The following CYP2C19 variants were observed in gnomAD, a reference collection of about 807,000 sequenced individuals.
CYP2C19 encodes cytochrome P450 2C19.
In CYP2C19, 59 loss-of-function variants were observed where a neutral mutation model predicts 40.9. The ratio of observed to expected loss-of-function variants is 1.44; its 90% CI spans 1.17 to 1.79. The LOEUF (loss-of-function observed/expected upper bound fraction) is 1.79. Among genes scored for constraint, CYP2C19 ranks in the 40% most tolerant of loss-of-function variants. CYP2C19 has a pLI of 0.00. For missense variants in CYP2C19, 754 were observed against 596.9 expected, an observed-to-expected ratio of 1.26 and a Z score of -2.74; for synonymous variants, 253 against 208.7, an observed-to-expected ratio of 1.21 and a Z score of -1.83.
intron 6 of CYP2C19, among the ~76,000 whole-genome samples, chr10:94,828,516 G>A (rs1410905971): frequency 6.8e-6 from 1 of 147,720 alleles, no homozygotes; most frequent in African/African-American, 2.5e-5. Context: ...CATTGGCTTG[G>A]TAGATCTTCC....
At chr10:94,840,976 G>A (rs142155832) in intron 6 of CYP2C19, among the ~76,000 whole-genome samples, 128 of 152,334 alleles carry the variant, frequency 8.4e-4, no homozygotes, top group Middle Eastern at 6.8e-3. Flanking sequence ...CAATATTACC[G>A]CTTTGGATGT....
intron 1 of CYP2C19, among the ~76,000 whole-genome samples, chr10:94,772,024 G>T (rs1371849071): frequency 4.6e-5 from 7 of 152,222 alleles, no homozygotes; most frequent in Admixed American, 4.6e-4. Flanking sequence ...TCAAAAACCT[G>T]TTAGAGTCCT....
chr10:94,788,444 C>T (rs1039001430), intron 5 of CYP2C19, among the ~76,000 whole-genome samples: 5 of 152,026 alleles, frequency 3.3e-5, no homozygotes, highest in Admixed American at 1.3e-4. Flanking sequence ...ATCTGCAGAA[C>T]GTGCAGTTTT....
intron 3 of CYP2C19, among the ~76,000 whole-genome samples, chr10:94,779,019 A>G (rs1056270280): frequency 2.0e-5 from 3 of 152,140 alleles, no homozygotes; most frequent in African/African-American, 7.2e-5. Flanking sequence ...AGGAACAGAA[A>G]ACCAAACACT....
chr10:94,824,599 T>G (rs1173574004), intron 6 of CYP2C19, among the ~76,000 whole-genome samples: 3 of 152,194 alleles, frequency 2.0e-5, no homozygotes, highest in Non-Finnish European at 4.4e-5. Context: ...AATTCCTGTT[T>G]TTTTCCAAGA....
At chr10:94,787,340 A>G (rs1165100868) in intron 5 of CYP2C19, among the ~76,000 whole-genome samples, 2 of 151,928 alleles carry the variant, frequency 1.3e-5, no homozygotes, top group African/African-American at 4.8e-5. Context: ...TAATGAAGTT[A>G]TTTGTTTTTT....
At chr10:94,775,292 T>C (rs945826115) in intron 2 of CYP2C19, 72 bp downstream of exon 2, 1 of 1,612,692 alleles carries the variant, frequency 6.2e-7, no homozygotes, top group South Asian at 1.1e-5. Context: ...TAGCAGAGCT[T>C]CTCGGGCAGA....
intron 5 of CYP2C19, among the ~76,000 whole-genome samples, chr10:94,808,612 T>C (rs980556454): frequency 2.2e-4 from 33 of 152,166 alleles, no homozygotes; most frequent in African/African-American, 7.0e-4. Flanking sequence ...CTGGTAACCA[T>C]CTTTCTACCC....
intron 5 of CYP2C19, among the ~76,000 whole-genome samples, chr10:94,805,529 C>A (rs141417293): frequency 2.4e-3 from 364 of 152,264 alleles, no homozygotes; most frequent in African/African-American, 8.5e-3. Context: ...GTGCAAACAT[C>A]ACTGCCATAC....
intron 1 of CYP2C19, among the ~76,000 whole-genome samples, chr10:94,769,627 C>T (rs751895381): frequency 7.9e-5 from 12 of 152,110 alleles, no homozygotes; most frequent in Admixed American, 5.2e-4. Context: ...ATTGGGGTGT[C>T]GCAGGGACTG....
In CYP2C19 at chr10:94,815,015, G is replaced by A. The variant is rs3853515; in HGVS notation, c.820-5481G>A. Among the ~76,000 whole-genome samples, 620 of 137,494 alleles carry A rather than the reference G, an allele frequency of 4.5e-3. 6 individuals carry two copies. Among genetic ancestry groups the A allele is most frequent in the South Asian group, 0.038 (136 of 3,596 alleles). The allele number at this position is 137,494 out of a possible 152,430, so 90.2% of individuals were successfully genotyped here. ...TGAGGGTGAGGTGCAGGAAAATGCCGTGGCCTGCCTCTGATGTAGAAGGGG... is the reference window on the plus strand; with the variant it reads ...TGAGGGTGAGGTGCAGGAAAATGCCATGGCCTGCCTCTGATGTAGAAGGGG... On this transcript the variant is annotated intron_variant, in intron 5 of 8. Coordinates refer to ENST00000371321, the MANE Select transcript of CYP2C19 (RefSeq NM_000769.4).
At chr10:94,777,591 C>T (rs1436641604) in intron 3 of CYP2C19, among the ~76,000 whole-genome samples, 4 of 152,142 alleles carry the variant, frequency 2.6e-5, no homozygotes, top group South Asian at 2.1e-4. Flanking sequence ...GACAAACTGT[C>T]TAGCCATATG....
chr10:94,787,999 G>A lies in CYP2C19; in HGVS notation c.819+6002G>A, dbSNP rs148796164. Among the ~76,000 whole-genome samples, 254 of 152,208 alleles carry A rather than the reference G, an allele frequency of 1.7e-3. 3 individuals are homozygous for A. Among genetic ancestry groups the A allele is most frequent in the Admixed American group, 3.1e-3 (48 of 15,266 alleles). On this transcript the variant is annotated intron_variant, in intron 5 of 8. Transcript: ENST00000371321. Reference sequence around the variant, plus strand: ...TGATATTGATTGTTTTAATCCATAAGCATGAACTGTTTTTTCATTTGTTAG... The same window carrying A: ...TGATATTGATTGTTTTAATCCATAAACATGAACTGTTTTTTCATTTGTTAG...
At chr10:94,798,483 G>A (rs770762966) in intron 5 of CYP2C19, among the ~76,000 whole-genome samples, 1 of 152,096 alleles carries the variant, frequency 6.6e-6, no homozygotes, top group East Asian at 1.9e-4. Flanking sequence ...TTGGGGTGGC[G>A]AGTTCTGTAG....
At chr10:94,767,939 T>C (rs1225330484) in intron 1 of CYP2C19, among the ~76,000 whole-genome samples, 1 of 152,134 alleles carries the variant, frequency 6.6e-6, no homozygotes, top group Non-Finnish European at 1.5e-5. Flanking sequence ...AGGTTCCACC[T>C]GGCAGCAATT....
At chr10:94,843,058 T>C (rs1458843547) in intron 7 of CYP2C19, 34 bp downstream of exon 7, 1 of 1,608,702 alleles carries the variant, frequency 6.2e-7, no homozygotes, top group South Asian at 1.1e-5. Flanking sequence ...CAACTCCATG[T>C]TCTTTTATTC....
intron 1 of CYP2C19, among the ~76,000 whole-genome samples, chr10:94,771,717 T>G (rs909399803): frequency 5.9e-5 from 9 of 152,104 alleles, no homozygotes; most frequent in African/African-American, 1.9e-4. Context: ...CCCAGGAACC[T>G]GCAACAGTCC....
At chr10:94,822,795 C>T (rs1472557817) in intron 6 of CYP2C19, among the ~76,000 whole-genome samples, 1 of 151,912 alleles carries the variant, frequency 6.6e-6, no homozygotes, top group Admixed American at 6.6e-5. Flanking sequence ...ATGGTACCTC[C>T]TTGTGATTTT....
chr10:94,785,930 C>G (rs1235580195), intron 5 of CYP2C19, among the ~76,000 whole-genome samples: 1 of 152,004 alleles, frequency 6.6e-6, no homozygotes, highest in Non-Finnish European at 1.5e-5. Flanking sequence ...GTTGGCCAGC[C>G]TTCCCTGCCC....
Sources: gnomAD v4.1 joint callset for allele counts (sites outside exome capture counted in the v4.1 genomes callset) on GRCh38, gnomAD v4.1.1 for gene constraint, MANE v1.5 for transcripts, NCBI Gene and HGNC (gene_info 2026-07-23, HGNC 2026-07-21) for gene names.